Variants in PTPRD observed in about 807,000 individuals in gnomAD.
PTPRD encodes the protein protein tyrosine phosphatase receptor type D.
PTPRD carries 34 observed loss-of-function variants against 214.5 expected under a neutral mutation model. The ratio of observed to expected loss-of-function variants is 0.16; its 90% CI spans 0.12 to 0.21. PTPRD has a LOEUF of 0.21. Among genes scored for constraint, PTPRD ranks in the 10% least tolerant of loss-of-function variants. The pLI, the probability that PTPRD is intolerant of heterozygous loss-of-function variation, is 1.00. For synonymous variants in PTPRD, 1,128 were observed against 845.7 expected, an observed-to-expected ratio of 1.33 and a Z score of -5.79; for missense variants, 2,545 against 2,398.7, an observed-to-expected ratio of 1.06 and a Z score of -1.27.
chr9:10,563,872 G>C (rs1193530885), intron 2 of PTPRD, among the ~76,000 whole-genome samples: 2 of 151,768 alleles, frequency 1.3e-5, no homozygotes, highest in Non-Finnish European at 2.9e-5. Flanking sequence ...CATTGGTTTT[G>C]TGGTATGTTT....
At chr9:9,219,287 A>T (rs1004293562) in intron 9 of PTPRD, among the ~76,000 whole-genome samples, 1 of 152,136 alleles carries the variant, frequency 6.6e-6, no homozygotes, top group Non-Finnish European at 1.5e-5. Flanking sequence ...ACATAGTACA[A>T]TTGATTTTGT....
At chr9:8,448,141 A>G (rs1052405511) in intron 34 of PTPRD, among the ~76,000 whole-genome samples, 3 of 151,884 alleles carry the variant, frequency 2.0e-5, no homozygotes, top group African/African-American at 7.3e-5. Context: ...CTTGTGCAAC[A>G]CGGCCAAACT....
At chr9:8,481,527 G>C (rs2096885316) in intron 30 of PTPRD, among the ~76,000 whole-genome samples, 1 of 152,064 alleles carries the variant, frequency 6.6e-6, no homozygotes, top group African/African-American at 2.4e-5. Flanking sequence ...GGAGTTTGGG[G>C]AGTTTTTGAC....
intron 8 of PTPRD, among the ~76,000 whole-genome samples, chr9:9,511,073 C>T (rs1162474423): frequency 6.6e-6 from 1 of 151,718 alleles, no homozygotes; most frequent in Non-Finnish European, 1.5e-5. Flanking sequence ...TGAACAAAGG[C>T]CATGGCAAAT....
At chr9:9,470,188 G>A (rs2094494207) in intron 8 of PTPRD, among the ~76,000 whole-genome samples, 1 of 152,118 alleles carries the variant, frequency 6.6e-6, no homozygotes, top group Non-Finnish European at 1.5e-5. Context: ...CTTTTTAACT[G>A]CATGGGATAT....
chr9:8,343,853 C>G (rs988753896), intron 39 of PTPRD, among the ~76,000 whole-genome samples: 1 of 151,986 alleles, frequency 6.6e-6, no homozygotes, highest in African/African-American at 2.4e-5. Context: ...TAATGAGCAG[C>G]CCGTCCCGGT....
chr9:10,538,605 G>C (rs1566815586), intron 2 of PTPRD, among the ~76,000 whole-genome samples: 2 of 151,996 alleles, frequency 1.3e-5, no homozygotes, highest in Admixed American at 6.6e-5. Flanking sequence ...TATAAGACAG[G>C]AACACTGATT....
chr9:9,372,076 G>T (rs1220358350), intron 9 of PTPRD, among the ~76,000 whole-genome samples: 3 of 152,142 alleles, frequency 2.0e-5, no homozygotes, highest in Admixed American at 1.3e-4. Flanking sequence ...GTGCTGAAAA[G>T]AATGTATATT....
rs113713759 is a variant in PTPRD at position 8,470,246 on chromosome 9, C to A, written c.3504+749G>T. Among the ~76,000 whole-genome samples, 489 of 152,206 alleles carry A rather than the reference C, an allele frequency of 3.2e-3. 5 individuals carry two copies. The highest frequency in any genetic ancestry group is 0.011 in the African/African-American group (462 of 41,544). On this transcript the variant is annotated intron_variant, in intron 31 of 45. Transcript: ENST00000381196. The stretch of plus-strand genomic sequence containing the variant: ...GTGGTCCTCTGGGGATCTAGCTCAA[C>A]ACTTCTGGATCATATTTTCTTGCCT...
At chr9:10,428,043 C>G (rs373893927) in intron 2 of PTPRD, among the ~76,000 whole-genome samples, 1 of 151,914 alleles carries the variant, frequency 6.6e-6, no homozygotes, top group Admixed American at 6.6e-5. Flanking sequence ...TGGACGGGCA[C>G]GGTGGCTCAC....
At chr9:10,448,086 A>G (rs1017478743) in intron 2 of PTPRD, among the ~76,000 whole-genome samples, 1 of 152,030 alleles carries the variant, frequency 6.6e-6, no homozygotes, top group Non-Finnish European at 1.5e-5. Context: ...AGCCCCAAAT[A>G]TAATTGAATT....
intron 39 of PTPRD, among the ~76,000 whole-genome samples, chr9:8,344,287 A>G (rs1368593133): frequency 1.3e-5 from 2 of 152,060 alleles, no homozygotes; most frequent in Non-Finnish European, 2.9e-5. Flanking sequence ...CATCAAGTCA[A>G]TTCTAGATAA....
At chr9:10,593,880 T>G (rs946924120) in intron 2 of PTPRD, among the ~76,000 whole-genome samples, 4 of 151,982 alleles carry the variant, frequency 2.6e-5, no homozygotes, top group African/African-American at 4.8e-5. Context: ...CCAAAATATT[T>G]CCTCCAGCCC....
chr9:8,915,219 G>T (rs999478167), intron 11 of PTPRD, among the ~76,000 whole-genome samples: 1 of 152,066 alleles, frequency 6.6e-6, no homozygotes, highest in Non-Finnish European at 1.5e-5. Flanking sequence ...TGTGTGTGAC[G>T]AGGAGGCATC....
intron 5 of PTPRD, among the ~76,000 whole-genome samples, chr9:9,834,662 C>T (rs1362321711): frequency 6.6e-6 from 1 of 151,952 alleles, no homozygotes; most frequent in Admixed American, 6.6e-5. Flanking sequence ...CTTATTCAAA[C>T]AGTTAATAAA....
At chr9:10,441,935 T>C (rs188476173) in intron 2 of PTPRD, among the ~76,000 whole-genome samples, 11,494 of 151,666 alleles carry the variant, frequency 0.076, 702 homozygotes, top group African/African-American at 0.16. Context: ...ATATGTCTAC[T>C]GTCACAAGAC....
chr9:8,621,403 T>C (rs2095819556), intron 14 of PTPRD, among the ~76,000 whole-genome samples: 1 of 152,034 alleles, frequency 6.6e-6, no homozygotes, highest in African/African-American at 2.4e-5. Flanking sequence ...AAAATTTGTT[T>C]GTTTTTAAAT....
chr9:9,234,996 T>C (rs1263446754), intron 9 of PTPRD, among the ~76,000 whole-genome samples: 1 of 152,186 alleles, frequency 6.6e-6, no homozygotes, highest in Non-Finnish European at 1.5e-5. Flanking sequence ...ATTGTATTAG[T>C]TCATTTTCAA....
chr9:9,373,848 T>C (rs867849245), intron 9 of PTPRD, among the ~76,000 whole-genome samples: 2 of 152,188 alleles, frequency 1.3e-5, no homozygotes, highest in South Asian at 4.1e-4. Context: ...AGTGCTCTTT[T>C]ACATTTTATA....
Sources: gnomAD v4.1 joint callset for allele counts (sites outside exome capture counted in the v4.1 genomes callset) on GRCh38, gnomAD v4.1.1 for gene constraint, MANE v1.5 for transcripts, NCBI Gene and HGNC (gene_info 2026-07-23, HGNC 2026-07-21) for gene names.